DLGAP1: variants seen among roughly 807,000 people sequenced by gnomAD.
The protein encoded by DLGAP1 is disks large-associated protein 1.
In DLGAP1, 11 loss-of-function variants were observed where a neutral mutation model predicts 90.8. The observed-to-expected ratio is 0.12, with a 90% CI of 0.08 to 0.20. DLGAP1 has a LOEUF of 0.20. DLGAP1 is among the 10% of genes least tolerant of loss of function. The pLI, the probability that DLGAP1 is intolerant of heterozygous loss-of-function variation, is 1.00. For synonymous variants in DLGAP1, 558 were observed against 540.7 expected (o/e 1.03, Z -0.44); for missense variants, 1,050 against 1,333.8 (o/e 0.79, Z 3.31).
chr18:3,966,738 C>A (rs2073340074), intron 3 of DLGAP1, among the ~76,000 whole-genome samples: 1 of 152,134 alleles, frequency 6.6e-6, no homozygotes, highest in Admixed American at 6.5e-5. Context: ...GGACCTGTTA[C>A]ATTGGAGATG....
chr18:4,035,750 G>A (rs2074877707), intron 2 of DLGAP1, among the ~76,000 whole-genome samples: 1 of 152,142 alleles, frequency 6.6e-6, no homozygotes, highest in Admixed American at 6.6e-5. Context: ...AATGGTTTCT[G>A]GCTAGGATTT....
chr18:4,029,814 AT>A (rs1418796632), intron 2 of DLGAP1, among the ~76,000 whole-genome samples: 1 of 151,818 alleles, frequency 6.6e-6, no homozygotes, highest in Admixed American at 6.6e-5. Flanking sequence ...GGTTTTCCTC[AT>A]TTATCACCTT....
chr18:4,094,784 G>T (rs967906527), intron 2 of DLGAP1, among the ~76,000 whole-genome samples: 1 of 151,820 alleles, frequency 6.6e-6, no homozygotes, highest in Non-Finnish European at 1.5e-5. Flanking sequence ...TTTTAGTAGA[G>T]ATGCGGTTTC....
chr18:3,761,361 C>T (rs1381909585), intron 5 of DLGAP1, among the ~76,000 whole-genome samples: 1 of 152,126 alleles, frequency 6.6e-6, no homozygotes, highest in Non-Finnish European at 1.5e-5. Flanking sequence ...TTGTGACTGT[C>T]TTATATTTCT....
intron 1 of DLGAP1, among the ~76,000 whole-genome samples, chr18:4,369,991 A>G (rs1192446880): frequency 6.6e-6 from 1 of 151,996 alleles, no homozygotes; most frequent in East Asian, 1.9e-4. Flanking sequence ...GCTGTTACAG[A>G]AGGAGAAGCA....
intron 5 of DLGAP1, among the ~76,000 whole-genome samples, chr18:3,784,831 G>A (rs2065372792): frequency 6.6e-6 from 1 of 152,192 alleles, no homozygotes; most frequent in South Asian, 2.1e-4. Flanking sequence ...CTGTAAACAT[G>A]CAGGTGACAG....
chr18:3,849,994 C>A (rs1488523740), intron 4 of DLGAP1, among the ~76,000 whole-genome samples: 1 of 152,054 alleles, frequency 6.6e-6, no homozygotes, highest in Non-Finnish European at 1.5e-5. Flanking sequence ...CTTTCTCTGG[C>A]CAATAACACT....
intron 1 of DLGAP1, among the ~76,000 whole-genome samples, chr18:4,357,654 G>A (rs1475452428): frequency 3.3e-5 from 5 of 152,190 alleles, no homozygotes; most frequent in Admixed American, 3.3e-4. Context: ...TGAGAATTCT[G>A]AAAAACCAGA....
intron 5 of DLGAP1, among the ~76,000 whole-genome samples, chr18:3,797,382 A>G (rs1034221628): frequency 1.3e-5 from 2 of 151,950 alleles, no homozygotes; most frequent in African/African-American, 4.8e-5. Context: ...CTGCCACGTC[A>G]AGACAGTGAG....
intron 7 of DLGAP1, among the ~76,000 whole-genome samples, chr18:3,604,693 A>T (rs2057243284): frequency 6.6e-6 from 1 of 152,004 alleles, no homozygotes; most frequent in Non-Finnish European, 1.5e-5. Context: ...GCTTCCCTAG[A>T]TCCTACAGTT....
rs541255120 is a variant in DLGAP1, at chr18:4,412,536, G to A, written c.-267+42470C>T. 3.3e-5 allele frequency among the ~76,000 whole-genome samples: 5 copies of A among 152,328 alleles called. No homozygotes were observed. In the South Asian group the frequency reaches 1.0e-3, roughly 32 times the overall value. On this transcript the variant is annotated intron_variant, in intron 1 of 12. Coordinates refer to ENST00000315677, the MANE Select transcript of DLGAP1 (RefSeq NM_004746.4). ...AGGAGCTGTGGCACCTGCCCAACAT[G>A]CATGGCTAGAGCTGAGAGGATGGGT...
At chr18:4,108,606 T>TGC (rs150518143) in intron 2 of DLGAP1, among the ~76,000 whole-genome samples, 76,411 of 151,590 alleles carry the variant, frequency 0.5, 20,348 homozygotes, top group African/African-American at 0.68. Flanking sequence ...CATTAGCTAA[T>TGC]AAATTATTTG....
chr18:3,635,302 TTTGTA>T (rs754224635), intron 7 of DLGAP1, among the ~76,000 whole-genome samples: 17 of 151,866 alleles, frequency 1.1e-4, no homozygotes, highest in East Asian at 9.7e-4. Context: ...GGCTGATTTT[TTTGTA>T]TTGTATTTTT....
intron 10 of DLGAP1, among the ~76,000 whole-genome samples, chr18:3,527,654 G>A (rs1001580627): frequency 1.3e-5 from 2 of 151,778 alleles, no homozygotes; most frequent in Admixed American, 6.6e-5. Context: ...GCAGTGGCAC[G>A]ATCACGGCTC....
At chr18:3,670,113 A>C (rs2060036265) in intron 7 of DLGAP1, among the ~76,000 whole-genome samples, 2 of 152,312 alleles carry the variant, frequency 1.3e-5, no homozygotes, top group Non-Finnish European at 2.9e-5. Context: ...ACAAAACAAA[A>C]CAAACCCCTA....
At chr18:3,863,385 T>G (rs2070199310) in intron 4 of DLGAP1, among the ~76,000 whole-genome samples, 1 of 152,240 alleles carries the variant, frequency 6.6e-6, no homozygotes, top group South Asian at 2.1e-4. Context: ...ACTTGGGATC[T>G]GATGCCTTTG....
intron 1 of DLGAP1, among the ~76,000 whole-genome samples, chr18:4,401,510 A>T (rs1053467552): frequency 5.3e-5 from 8 of 152,228 alleles, no homozygotes; most frequent in Non-Finnish European, 1.2e-4. Context: ...TTATTGTCAG[A>T]CTGAGAATTT....
intron 5 of DLGAP1, among the ~76,000 whole-genome samples, chr18:3,809,652 G>A (rs1004129995): frequency 6.6e-6 from 1 of 152,098 alleles, no homozygotes; most frequent in Non-Finnish European, 1.5e-5. Flanking sequence ...TCTTCCAGGG[G>A]GAGAATTTTT....
In DLGAP1 at chr18:3,976,171, A is replaced by G. The variant is rs544917090; in HGVS notation, c.-73+28945T>C. 4.4e-4 allele frequency among the ~76,000 whole-genome samples: 65 copies of G among 147,838 alleles called. 1 individual carries two copies. In the South Asian group the frequency reaches 0.014, roughly 31 times the overall value. ...AGACCAGCCTGACCAACATGGAGAAACCCGTCTCTACTAAAAATACAATAA... is the reference window on the plus strand; with the variant it reads ...AGACCAGCCTGACCAACATGGAGAAGCCCGTCTCTACTAAAAATACAATAA... On this transcript the variant is annotated intron_variant, in intron 3 of 12. Coordinates refer to ENST00000315677, the MANE Select transcript of DLGAP1 (RefSeq NM_004746.4).
Sources: gnomAD v4.1 joint callset for allele counts (sites outside exome capture counted in the v4.1 genomes callset) on GRCh38, gnomAD v4.1.1 for gene constraint, MANE v1.5 for transcripts, NCBI Gene and HGNC (gene_info 2026-07-23, HGNC 2026-07-21) for gene names.